ESF1: variants seen among roughly 807,000 people sequenced by gnomAD.
ESF1 encodes ESF1 homolog.
Under a neutral mutation model 92.0 loss-of-function variants are expected in ESF1, and 58 were observed. The observed-to-expected ratio is 0.63, with a 90% CI of 0.51 to 0.78. The LOEUF (loss-of-function observed/expected upper bound fraction) is 0.78. Among genes scored for constraint, ESF1 ranks in the 30% least tolerant of loss-of-function variants. ESF1 has a pLI of 0.00. For synonymous variants in ESF1, 321 were observed against 313.7 expected, an observed-to-expected ratio of 1.02 and a Z score of -0.24; for missense variants, 922 against 989.1, an observed-to-expected ratio of 0.93 and a Z score of 0.91.
intron 9 of ESF1, among the ~76,000 whole-genome samples, chr20:13,742,287 A>G (rs1281384268): frequency 2.6e-5 from 4 of 152,068 alleles, no homozygotes; most frequent in African/African-American, 9.7e-5. Flanking sequence ...TCTGGCCAAC[A>G]TGGCAAAACC....
At chr20:13,741,830 G>C (rs563738912) in intron 9 of ESF1, among the ~76,000 whole-genome samples, 1 of 152,086 alleles carries the variant, frequency 6.6e-6, no homozygotes, top group Admixed American at 6.5e-5. Context: ...GGAGAAGAGA[G>C]GAATTACAAA....
At chr20:13,736,126 T>C (rs192219105) in intron 9 of ESF1, among the ~76,000 whole-genome samples, 12 of 152,310 alleles carry the variant, frequency 7.9e-5, no homozygotes, top group African/African-American at 2.6e-4. Context: ...TTGACATTTG[T>C]AGGTTCTACA....
intron 9 of ESF1, among the ~76,000 whole-genome samples, chr20:13,742,733 A>C (rs895279052): frequency 1.3e-5 from 2 of 152,204 alleles, no homozygotes; most frequent in African/African-American, 4.8e-5. Flanking sequence ...GTGAAAAAAA[A>C]ATCAGTCCCA....
chr20:13,775,362 C>A, intron 3 of ESF1, 92 bp from the exon 4 acceptor site: 1 of 781,190 alleles, frequency 1.3e-6, no homozygotes, highest in East Asian at 2.6e-5. Context: ...CCTTCTGTCC[C>A]CTATGCTCTG....
intron 7 of ESF1, among the ~76,000 whole-genome samples, chr20:13,767,427 A>G (rs1371700415): frequency 6.6e-6 from 1 of 151,938 alleles, no homozygotes. Flanking sequence ...AGGCTGAGGC[A>G]GCAGAATCAG....
chr20:13,743,593 G>C (rs944329397), intron 9 of ESF1, among the ~76,000 whole-genome samples: 1 of 152,118 alleles, frequency 6.6e-6, no homozygotes, highest in African/African-American at 2.4e-5. Flanking sequence ...GATGATCCTA[G>C]AGAACATATT....
intron 11 of ESF1, among the ~76,000 whole-genome samples, chr20:13,720,045 C>T (rs1441574918): frequency 6.6e-6 from 1 of 152,068 alleles, no homozygotes; most frequent in South Asian, 2.1e-4. Flanking sequence ...TCCTTGATAC[C>T]GTGACTCCTG....
intron 2 of ESF1, among the ~76,000 whole-genome samples, chr20:13,782,198 A>C (rs1036546580): frequency 2.6e-5 from 4 of 152,110 alleles, no homozygotes; most frequent in African/African-American, 9.7e-5. Context: ...CTTTAGACAC[A>C]TCTCTTCTTA....
intron 4 of ESF1, among the ~76,000 whole-genome samples, chr20:13,773,025 T>C (rs1979762729): frequency 6.6e-6 from 1 of 152,216 alleles, no homozygotes; most frequent in African/African-American, 2.4e-5. Context: ...AATTTTGTAA[T>C]AACCAACTTA....
At chr20:13,717,286 G>T in intron 13 of ESF1, 82 bp downstream of exon 13, 2 of 1,526,676 alleles carry the variant, frequency 1.3e-6, no homozygotes, top group South Asian at 1.2e-5. Context: ...GGGTAACTTT[G>T]ACTATGCTCA....
At chr20:13,784,810 C>T in intron 1 of ESF1, 70 bp downstream of exon 1, 1 of 544,060 alleles carries the variant, frequency 1.8e-6, no homozygotes, top group South Asian at 2.2e-5. Flanking sequence ...GTTTTTTCCC[C>T]GCGCCACACA....
At chr20:13,774,094 C>CAA (rs1346458775) in intron 4 of ESF1, among the ~76,000 whole-genome samples, 1 of 135,254 alleles carries the variant, frequency 7.4e-6, no homozygotes, top group African/African-American at 2.7e-5. Context: ...GACTCCATCT[C>CAA]AAAAAAAAAA....
At chr20:13,733,615 A>G in intron 10 of ESF1, 106 bp downstream of exon 10, 3 of 1,203,150 alleles carry the variant, frequency 2.5e-6, no homozygotes, top group Admixed American at 5.5e-5. Context: ...AACAAGGCCT[A>G]CTTCAGTGAG....
At chr20:13,754,336 G>A (rs1016573348) in intron 9 of ESF1, among the ~76,000 whole-genome samples, 18 of 152,118 alleles carry the variant, frequency 1.2e-4, no homozygotes, top group African/African-American at 3.1e-4. Context: ...CCAGCTGCTC[G>A]GAATGGTCCA....
intron 2 of ESF1, among the ~76,000 whole-genome samples, chr20:13,780,663 TGGCCTATCAAGACCTCTC>T (rs1173081216): frequency 9.2e-5 from 14 of 151,932 alleles, no homozygotes; most frequent in Admixed American, 5.2e-4. Flanking sequence ...CAAGACCTCT[TGGCCTATCAAGACCTCTC>T]GGCCTATCAA....
At chr20:13,776,416 C>A in intron 2 of ESF1, 146 bp from the exon 3 acceptor site, 1 of 774,382 alleles carries the variant, frequency 1.3e-6, no homozygotes. Context: ...AATGCTTAGT[C>A]AATTTTTATG....
chr20:13,784,404 A>G (rs1256583123), intron 1 of ESF1, among the ~76,000 whole-genome samples: 1 of 152,160 alleles, frequency 6.6e-6, no homozygotes, highest in African/African-American at 2.4e-5. Flanking sequence ...TTTTCGATGT[A>G]TTACAGCACT....
chr20:13,759,997 GACTT>G, intron 8 of ESF1, 144 bp from the exon 9 acceptor site: 1 of 1,316,232 alleles, frequency 7.6e-7, no homozygotes, highest in South Asian at 1.7e-5. Flanking sequence ...TTAAATGAAA[GACTT>G]AGGGTCTCAT....
chr20:13,728,937 C>T (rs902312968), intron 10 of ESF1, among the ~76,000 whole-genome samples: 1 of 151,962 alleles, frequency 6.6e-6, no homozygotes, highest in African/African-American at 2.4e-5. Context: ...AAAACAACTC[C>T]CACCTAAGTT....
Sources: allele counts gnomAD v4.1 joint callset (sites outside exome capture counted in the v4.1 genomes callset), GRCh38; gene constraint gnomAD v4.1.1; transcripts MANE v1.5; gene names NCBI Gene and HGNC (gene_info 2026-07-23, HGNC 2026-07-21).